CPLANE1: variants seen among roughly 807,000 people sequenced by gnomAD.
The protein encoded by CPLANE1 is ciliogenesis and planar polarity effector complex subunit 1, also known as ciliogenesis and planar polarity effector 1.
Under a neutral mutation model 362.5 loss-of-function variants are expected in CPLANE1, and 263 were observed. The ratio of observed to expected loss-of-function variants is 0.73; its 90% CI spans 0.66 to 0.80. The LOEUF is 0.80. Among genes scored for constraint, CPLANE1 ranks in the 30% least tolerant of loss-of-function variants. The pLI is 0.00. For synonymous variants in CPLANE1, 1,212 were observed against 1,302.6 expected, an observed-to-expected ratio of 0.93 and a Z score of 1.50; for missense variants, 3,461 against 3,793.4, an observed-to-expected ratio of 0.91 and a Z score of 2.30.
the CPLANE1 span, among the ~76,000 whole-genome samples, chr5:37,083,591 A>G: frequency 1.3e-4 from 20 of 152,236 alleles, no homozygotes; most frequent in African/African-American, 4.8e-4. Flanking sequence ...AAAAATAATC[A>G]AAACTGCAGG....
Position 37,169,581 on chromosome 5 carries a change from T to C in CPLANE1, c.6463-20A>G. ...AACATTCTGGAAGAGAAAAAAGATATTATGTAAGTTTAGAATATATTAGAA... is the reference window on the plus strand; with the variant it reads ...AACATTCTGGAAGAGAAAAAAGATACTATGTAAGTTTAGAATATATTAGAA... On this transcript the variant is annotated intron_variant, in intron 33 of 52. Coordinates refer to ENST00000651892, the MANE Select transcript of CPLANE1 (RefSeq NM_001384732.1). 6.5e-7 allele frequency: 1 copy of C among 1,547,298 alleles called. No individual in the cohort carries two copies. The highest frequency in any genetic ancestry group is 2.0e-5 in the Admixed American group (1 of 49,868).
Position 37,227,034 on chromosome 5 carries a change from G to C in CPLANE1, c.1561C>G (p.Pro521Ala). 1 of 1,548,100 alleles carries C rather than the reference G, an allele frequency of 6.5e-7. No individual in the cohort carries two copies. The highest frequency in any genetic ancestry group is 2.4e-5 in the East Asian group (1 of 40,864). ...AEETNEGRHF[P>A]DNLCPFWNKR... ...TTCCAAAAAGGACATAAGTTGTCTG[G>C]AAAGTGTCTGCCTTCGTTAGTTTCT... Residue 521 changes from proline (P) to alanine (A), a missense_variant, in exon 12 of 53, where the codon CCA becomes GCA. Pro to Ala is a conservative substitution (Grantham distance 27, BLOSUM62 -1). This residue lies in a region of CPLANE1 where 3,380 missense variants were observed against 3,666.1 expected (regional missense o/e 0.92). Coordinates refer to ENST00000651892, the MANE Select transcript of CPLANE1 (RefSeq NM_001384732.1).
At chr5:37,198,961 GT>G in intron 19 of CPLANE1, 95 bp from the exon 20 acceptor site, 1 of 1,175,662 alleles carries the variant, frequency 8.5e-7, no homozygotes, top group Non-Finnish European at 1.2e-6. Flanking sequence ...GCTGAGCACA[GT>G]GGCTCACGCC....
chr5:37,233,898 C>T (rs1798307104), intron 8 of CPLANE1, among the ~76,000 whole-genome samples: 1 of 152,118 alleles, frequency 6.6e-6, no homozygotes, highest in African/African-American at 2.4e-5. Context: ...TGTCCAAGTC[C>T]CTAACAAAAC....
At chr5:37,118,753 C>T (rs1175850727) in intron 50 of CPLANE1, among the ~76,000 whole-genome samples, 4 of 149,626 alleles carry the variant, frequency 2.7e-5, no homozygotes, top group African/African-American at 7.5e-5. Flanking sequence ...CTCACTCTGT[C>T]GCCAAGCTGG....
Position 37,157,378 on chromosome 5 carries a change from C to T in CPLANE1, c.8054G>A (p.Gly2685Asp), listed in dbSNP as rs1348693051. The T allele has an allele frequency of 7.1e-7, 1 of 1,415,170 alleles. No individual in the cohort carries two copies. The highest frequency in any genetic ancestry group is 9.4e-7 in the Non-Finnish European group (1 of 1,063,426). 87.7% of individuals were successfully genotyped at this position (1,415,170 alleles called of 1,614,324 possible). Reference protein sequence around the residue: ...ACLDGKSLRAGITEVKEPSVT... With the variant: ...ACLDGKSLRADITEVKEPSVT... ...ACTAGGCTCCTTCACTTCTGTAATGCCTGCTCTCAAGCTTTTTCCATCCAG... is the reference window on the plus strand; with the variant it reads ...ACTAGGCTCCTTCACTTCTGTAATGTCTGCTCTCAAGCTTTTTCCATCCAG... Residue 2685 changes from glycine (G) to aspartate (D), a missense_variant, in exon 41 of 53, where the codon GGC becomes GAC. By Grantham distance (94) the Gly-to-Asp change is moderately conservative (BLOSUM62 -1). Coordinates refer to ENST00000651892, the MANE Select transcript of CPLANE1 (RefSeq NM_001384732.1).
intron 25 of CPLANE1, 116 bp downstream of exon 25, chr5:37,184,672 T>C: frequency 2.6e-6 from 2 of 780,644 alleles, no homozygotes; most frequent in Non-Finnish European, 2.0e-6. Flanking sequence ...TTATCATTCA[T>C]ATTATTAATA....
chr5:37,105,226 G>A (rs762332059), downstream of CPLANE1, among the ~76,000 whole-genome samples: 4 of 152,220 alleles, frequency 2.6e-5, no homozygotes, highest in Non-Finnish European at 4.4e-5. Context: ...CTTGAGCCTG[G>A]TAGGTCAAGG....
chr5:37,158,479 A>G lies in CPLANE1; in HGVS notation c.7691-134T>C. 3 of 762,598 alleles carry G rather than the reference A, an allele frequency of 3.9e-6. No homozygotes were observed. The South Asian group carries it at 7.4e-5, about 19-fold the overall frequency. 47.2% of individuals were successfully genotyped at this position (762,598 alleles called of 1,614,324 possible). A position where few individuals can be genotyped will look rare whatever the true frequency, so the allele number is the denominator to read the frequency against. ...TTCTTGAAATCTAAGTAGAAGTGAC[A>G]TGGGTATAAATAATTAAAGCACATT... On this transcript the variant is annotated intron_variant, in intron 38 of 52. Coordinates refer to ENST00000651892, the MANE Select transcript of CPLANE1 (RefSeq NM_001384732.1).
chr5:37,102,907 G>A (rs1415646528), downstream of CPLANE1, among the ~76,000 whole-genome samples: 1 of 152,138 alleles, frequency 6.6e-6, no homozygotes, highest in Non-Finnish European at 1.5e-5. Context: ...TATCTATCAG[G>A]TCCACTTGAT....
In CPLANE1 at chr5:37,224,731, A is replaced by G; in HGVS notation, c.2301T>C (p.Ile767=). The G allele has an allele frequency of 1.3e-6, 2 of 1,548,666 alleles. No homozygotes were observed. Among genetic ancestry groups the G allele is most frequent in the South Asian group, 2.4e-5 (2 of 83,896 alleles). ...PVQQPGHRLL[I]LWRILYKKTL... Reference sequence around the variant, plus strand: ...TTTTTTTGTACAGTATTCTCCAGAGAATAAGCAATCTGCACATAAAATCAG... The same window carrying G: ...TTTTTTTGTACAGTATTCTCCAGAGGATAAGCAATCTGCACATAAAATCAG... The change falls in exon 13 of 53, where the codon ATT becomes ATC. Residue 767 remains isoleucine (I), a synonymous_variant. Coordinates refer to ENST00000651892, the MANE Select transcript of CPLANE1 (RefSeq NM_001384732.1).
chr5:37,081,952 C>T, the CPLANE1 span, among the ~76,000 whole-genome samples: 2 of 152,058 alleles, frequency 1.3e-5, no homozygotes, highest in Non-Finnish European at 2.9e-5. Context: ...ACCAGCCTAA[C>T]ATGGTGAATT....
chr5:37,179,361 T>G lies in CPLANE1; in HGVS notation c.5820A>C (p.Glu1940Asp), dbSNP rs1782064155. 1.3e-6 allele frequency: 2 copies of G among 1,589,262 alleles called. No individual in the cohort carries two copies. Among genetic ancestry groups the G allele is most frequent in the Non-Finnish European group, 1.7e-6 (2 of 1,161,252 alleles). ...TTATATCCACTATTTATTGACTTACTTCTTCTAACTGCTGTGGTAAAGTCA... is the reference window on the plus strand; with the variant it reads ...TTATATCCACTATTTATTGACTTACGTCTTCTAACTGCTGTGGTAAAGTCA... ...CMMTLPQQLE[E>D]EFTEEVQCQR... The change falls in exon 29 of 53, where the codon GAA (glutamate) becomes GAC (aspartate). Residue 1940 changes from glutamate to aspartate, a missense_variant and splice_region_variant. By Grantham distance (45) the Glu-to-Asp change is conservative. Coordinates refer to ENST00000651892, the MANE Select transcript of CPLANE1 (RefSeq NM_001384732.1).
chr5:37,149,226 T>C (rs1456633203), intron 42 of CPLANE1, among the ~76,000 whole-genome samples: 1 of 152,086 alleles, frequency 6.6e-6, no homozygotes, highest in Non-Finnish European at 1.5e-5. Context: ...CCGAACCTTA[T>C]ATATAGTTGT....
In CPLANE1 at chr5:37,226,702, T is replaced by C. The variant is rs1423905457; in HGVS notation, c.1893A>G (p.Ala631=). 5.2e-6 allele frequency: 8 copies of C among 1,550,428 alleles called. No individual in the cohort carries two copies. Among genetic ancestry groups the C allele is most frequent in the East Asian group, 2.4e-5 (1 of 40,860 alleles). ...AAAGTTGAAAGATACAAAGTATCCA[T>C]GCATTATGTCTTGAGCTTTTGCTTA... is the stretch of plus-strand genomic sequence containing the variant. ...LVLSKSSRHN[A]WILCIFQLFH... is the part of the protein sequence containing the mutation. Residue 631 remains alanine (A), a synonymous_variant, in exon 12 of 53, where the codon GCA becomes GCG. Coordinates refer to ENST00000651892, the MANE Select transcript of CPLANE1 (RefSeq NM_001384732.1).
At chr5:37,082,093 CAA>C in the CPLANE1 span, among the ~76,000 whole-genome samples, 15 of 92,468 alleles carry the variant, frequency 1.6e-4, no homozygotes, top group Admixed American at 2.4e-4. Flanking sequence ...AACTCCGTAT[CAA>C]AAAAAAAAAA....
Position 37,121,559 on chromosome 5 carries a change from TTTC to T in CPLANE1, c.9185+55_9185+57del, listed in dbSNP as rs960770953. On this transcript the variant is annotated intron_variant, in intron 49 of 52. Coordinates refer to ENST00000651892, the MANE Select transcript of CPLANE1 (RefSeq NM_001384732.1). ...GAACTTAGGTCACGAAAGTGCTACA[TTTC>T]TTCTTATCAGGCCTGACGTTATCTT... The T allele has an allele frequency of 7.2e-5, 109 of 1,523,074 alleles. No individual in the cohort carries two copies. In the Middle Eastern group the frequency reaches 1.3e-3, roughly 17 times the overall value. 94.3% of individuals were successfully genotyped at this position (1,523,074 alleles called of 1,614,324 possible). A position where few individuals can be genotyped will look rare whatever the true frequency, so the allele number is the denominator to read the frequency against.
At chr5:37,243,954 G>A (rs1393695312) in intron 5 of CPLANE1, among the ~76,000 whole-genome samples, 3 of 150,880 alleles carry the variant, frequency 2.0e-5, no homozygotes, top group Non-Finnish European at 2.9e-5. Flanking sequence ...AGGTTCAATC[G>A]ATTCTCCTGC....
At chr5:37,139,950 A>C in intron 44 of CPLANE1, 1 of 981,898 alleles carries the variant, frequency 1.0e-6, no homozygotes, top group Non-Finnish European at 1.2e-6. Flanking sequence ...ACTGGAGTGC[A>C]ATTTACTTTA....
Sources: gnomAD v4.1 joint callset for allele counts (sites outside exome capture counted in the v4.1 genomes callset) on GRCh38, gnomAD v4.1.1 for gene constraint, gnomAD v4.1.1 regional missense constraint, MANE v1.5 for transcripts, NCBI Gene and HGNC (gene_info 2026-07-23, HGNC 2026-07-21) for gene names.